CAMK1D: variants seen among roughly 807,000 people sequenced by gnomAD.
The protein encoded by CAMK1D is calcium/calmodulin dependent protein kinase ID.
In CAMK1D, 9 loss-of-function variants were observed where a neutral mutation model predicts 47.7. The observed-to-expected ratio is 0.19, with a 90% CI of 0.11 to 0.33. The LOEUF (loss-of-function observed/expected upper bound fraction) is 0.33, where lower values mean the gene tolerates loss of function less well. Among genes scored for constraint, CAMK1D ranks in the 10% least tolerant of loss-of-function variants. CAMK1D has a pLI of 1.00. For missense variants in CAMK1D, 291 were observed against 488.7 expected (o/e 0.60, Z 3.81); for synonymous variants, 184 against 184.9 (o/e 0.99, Z 0.04).
chr10:12,505,882 C>A (rs1456796920), intron 1 of CAMK1D, among the ~76,000 whole-genome samples: 2 of 150,718 alleles, frequency 1.3e-5, no homozygotes, highest in African/African-American at 4.9e-5. Flanking sequence ...TCCTCCTCCT[C>A]CCTTGTTCCA....
intron 3 of CAMK1D, among the ~76,000 whole-genome samples, chr10:12,710,348 G>A (rs943796187): frequency 6.6e-5 from 10 of 152,018 alleles, no homozygotes; most frequent in South Asian, 2.1e-4. Flanking sequence ...GATAACTTTC[G>A]GTAATTTGGC....
At chr10:12,632,434 G>T (rs747405861) in intron 2 of CAMK1D, among the ~76,000 whole-genome samples, 20 of 152,224 alleles carry the variant, frequency 1.3e-4, no homozygotes, top group Middle Eastern at 3.2e-3. Flanking sequence ...CAGAACAGCT[G>T]ATAGGGTCGG....
Position 12,361,716 on chromosome 10 carries a change from T to C in CAMK1D, c.92+11806T>C, listed in dbSNP as rs562009429. Among the ~76,000 whole-genome samples, 1,290 of 150,540 alleles carry C rather than the reference T, an allele frequency of 8.6e-3. 12 individuals carry two copies. The highest frequency in any genetic ancestry group is 0.03 in the South Asian group (142 of 4,724). ...GATTACAGGCGCCCACCACCACGCC[T>C]GGCTAATTTTTGTATTTTTAGTAGA... On this transcript the variant is annotated intron_variant, in intron 1 of 10. Coordinates refer to ENST00000619168, the MANE Select transcript of CAMK1D (RefSeq NM_153498.4).
rs1834915437 is a variant in CAMK1D, at chr10:12,732,103, T to C, written c.300-28845T>C. ...TAAAAATACAAAAAGTAACTGGGTGTGGTGGCGCGTGCCTGTAATCCCAAC... is the reference window on the plus strand; with the variant it reads ...TAAAAATACAAAAAGTAACTGGGTGCGGTGGCGCGTGCCTGTAATCCCAAC... On this transcript the variant is annotated intron_variant, in intron 3 of 10. Transcript: ENST00000619168. Among the ~76,000 whole-genome samples the C allele has an allele frequency of 2.0e-5, 3 of 152,078 alleles. No individual in the cohort carries two copies. In the South Asian group the frequency reaches 6.2e-4, roughly 32 times the overall value.
chr10:12,600,268 C>G (rs1347407900), intron 2 of CAMK1D, among the ~76,000 whole-genome samples: 1 of 152,232 alleles, frequency 6.6e-6, no homozygotes, highest in East Asian at 1.9e-4. Context: ...GTGGGCCCCC[C>G]TGTTTCTAGT....
intron 1 of CAMK1D, among the ~76,000 whole-genome samples, chr10:12,496,598 C>T (rs1196981434): frequency 6.6e-6 from 1 of 152,186 alleles, no homozygotes; most frequent in Admixed American, 6.5e-5. Context: ...AGTCCCAAAC[C>T]AGAGACCTTA....
intron 2 of CAMK1D, among the ~76,000 whole-genome samples, chr10:12,602,547 C>A (rs920407328): frequency 6.6e-6 from 1 of 152,108 alleles, no homozygotes; most frequent in African/African-American, 2.4e-5. Flanking sequence ...GGTGTGGGAG[C>A]ATTCTGAATT....
At chr10:12,623,014 C>A (rs935092753) in intron 2 of CAMK1D, among the ~76,000 whole-genome samples, 4 of 150,632 alleles carry the variant, frequency 2.7e-5, no homozygotes, top group African/African-American at 9.8e-5. Flanking sequence ...GTCATCTCAT[C>A]TCTCCCATCT....
At chr10:12,586,963 A>C (rs1216944484) in intron 2 of CAMK1D, among the ~76,000 whole-genome samples, 1 of 152,056 alleles carries the variant, frequency 6.6e-6, no homozygotes, top group Admixed American at 6.5e-5. Flanking sequence ...AAGGACCATG[A>C]CTCACAGGAA....
chr10:12,706,288 A>G (rs1833722746), intron 3 of CAMK1D, among the ~76,000 whole-genome samples: 1 of 152,210 alleles, frequency 6.6e-6, no homozygotes, highest in Non-Finnish European at 1.5e-5. Flanking sequence ...TTAATTGTTT[A>G]TATGTGGAAT....
rs140563349 is a variant in CAMK1D, at chr10:12,738,874, C to T, written c.300-22074C>T. On this transcript the variant is annotated intron_variant, in intron 3 of 10. Coordinates refer to ENST00000619168, the MANE Select transcript of CAMK1D (RefSeq NM_153498.4). ...AAAAATAAATTATTCTATAACCACA[C>T]GTAAGATTATGCAAACTTCAAAATT... Among the ~76,000 whole-genome samples, 337 of 151,986 alleles carry T rather than the reference C, an allele frequency of 2.2e-3. 4 individuals are homozygous for T. Among genetic ancestry groups the T allele is most frequent in the African/African-American group, 7.5e-3 (311 of 41,450 alleles).
chr10:12,728,699 A>T (rs540309078), intron 3 of CAMK1D, among the ~76,000 whole-genome samples: 1 of 152,198 alleles, frequency 6.6e-6, no homozygotes, highest in Admixed American at 6.5e-5. Context: ...TGCCCTTTCA[A>T]TTCCACTCAC....
At chr10:12,734,339 AAAAAAAATATAT>A (rs1366007947) in intron 3 of CAMK1D, among the ~76,000 whole-genome samples, 4 of 36,402 alleles carry the variant, frequency 1.1e-4, no homozygotes, top group Non-Finnish European at 1.9e-4. Flanking sequence ...AAAAAAAAAA[AAAAAAAATATAT>A]ATATATATAT....
rs57721645 is a variant in CAMK1D at position 12,630,711 on chromosome 10, A to G, written c.225-36025A>G. Among the ~76,000 whole-genome samples, 550 of 152,200 alleles carry G rather than the reference A, an allele frequency of 3.6e-3. 3 individuals carry two copies. The East Asian group carries it at 0.043, about 12-fold the overall frequency. On this transcript the variant is annotated intron_variant, in intron 2 of 10. Transcript: ENST00000619168. The stretch of plus-strand genomic sequence containing the variant: ...AGTGCTGGGATTCGAGGCGTGAGCT[A>G]CTGCCCCTGGCCCTTTGCTCTCTTT...
intron 3 of CAMK1D, among the ~76,000 whole-genome samples, chr10:12,732,336 A>G (rs1834924136): frequency 6.6e-6 from 1 of 152,184 alleles, no homozygotes. Context: ...AGATAGGAAT[A>G]TGTTAGACAG....
At chr10:12,647,699 A>G (rs1839850662) in intron 2 of CAMK1D, among the ~76,000 whole-genome samples, 2 of 152,196 alleles carry the variant, frequency 1.3e-5, no homozygotes, top group Admixed American at 1.3e-4. Context: ...GCCATGAGCC[A>G]GCCATGCCCT....
chr10:12,462,156 GTTTTTTT>G (rs57336292), intron 1 of CAMK1D, among the ~76,000 whole-genome samples: 3 of 79,622 alleles, frequency 3.8e-5, no homozygotes, highest in Admixed American at 1.7e-4. Context: ...CCTATGAAGA[GTTTTTTT>G]TTTTTTTTTT....
At chr10:12,767,340 G>C (rs1836814569) in intron 4 of CAMK1D, among the ~76,000 whole-genome samples, 1 of 151,972 alleles carries the variant, frequency 6.6e-6, no homozygotes, top group Non-Finnish European at 1.5e-5. Flanking sequence ...ACCATGCCTG[G>C]GTAATTTTGT....
At chr10:12,392,614 C>G (rs1838774915) in intron 1 of CAMK1D, among the ~76,000 whole-genome samples, 1 of 152,122 alleles carries the variant, frequency 6.6e-6, no homozygotes, top group African/African-American at 2.4e-5. Flanking sequence ...CTAAATTGAT[C>G]TAGTTAATAT....
Sources: allele counts gnomAD v4.1 joint callset (sites outside exome capture counted in the v4.1 genomes callset), GRCh38; gene constraint gnomAD v4.1.1; transcripts MANE v1.5; gene names NCBI Gene and HGNC (gene_info 2026-07-23, HGNC 2026-07-21).